SLC14A2: variants seen among roughly 807,000 people sequenced by gnomAD.
SLC14A2 encodes urea transporter 2.
A neutral mutation model predicts 104.6 loss-of-function variants in SLC14A2; 91 were observed. That is an observed-to-expected ratio of 0.87 (90% CI 0.73 to 1.04). SLC14A2 has a LOEUF of 1.04. Among genes scored for constraint, SLC14A2 ranks in the 50% least tolerant of loss-of-function variants. The pLI, the probability that SLC14A2 is intolerant of heterozygous loss-of-function variation, is 0.00. For synonymous variants in SLC14A2, 476 were observed against 466.4 expected (o/e 1.02, Z -0.27); for missense variants, 1,189 against 1,156.0 (o/e 1.03, Z -0.41).
intron 1 of SLC14A2, among the ~76,000 whole-genome samples, chr18:45,421,665 T>C (rs2079704785): frequency 6.6e-6 from 1 of 152,192 alleles, no homozygotes; most frequent in South Asian, 2.1e-4. Context: ...TCTGTGCAAA[T>C]GAATGCACTG....
intron 2 of SLC14A2, among the ~76,000 whole-genome samples, chr18:45,591,409 C>T (rs908698793): frequency 1.3e-5 from 2 of 152,186 alleles, no homozygotes; most frequent in Non-Finnish European, 2.9e-5. Context: ...GATCTCAGCT[C>T]ACTGCAACTT....
At chr18:45,506,421 A>G (rs1180491493) in intron 2 of SLC14A2, among the ~76,000 whole-genome samples, 1 of 152,030 alleles carries the variant, frequency 6.6e-6, no homozygotes, top group Non-Finnish European at 1.5e-5. Flanking sequence ...ATCGTGCCCC[A>G]TCAAAAAAAT....
chr18:45,261,017 TTC>T (rs2084530459), intron 1 of SLC14A2, among the ~76,000 whole-genome samples: 1 of 150,884 alleles, frequency 6.6e-6, no homozygotes, highest in Admixed American at 6.6e-5. Flanking sequence ...TTCTCTTAAT[TTC>T]TTTTTTTTTT....
At chr18:45,417,455 G>A (rs573344721) in intron 1 of SLC14A2, among the ~76,000 whole-genome samples, 38 of 152,266 alleles carry the variant, frequency 2.5e-4, no homozygotes, top group Admixed American at 8.5e-4. Context: ...ACTTACAATC[G>A]TGGCAGAAGA....
intron 2 of SLC14A2, among the ~76,000 whole-genome samples, chr18:45,606,299 G>A (rs1350342876): frequency 1.3e-5 from 2 of 152,110 alleles, no homozygotes; most frequent in Non-Finnish European, 2.9e-5. Flanking sequence ...ATCCATCAAT[G>A]AGAGTTCAGC....
chr18:45,249,122 G>A (rs1427921516), intron 1 of SLC14A2, among the ~76,000 whole-genome samples: 5 of 152,198 alleles, frequency 3.3e-5, no homozygotes, highest in African/African-American at 7.2e-5. Flanking sequence ...GTTCATGTGT[G>A]TAAGCAGCTT....
At chr18:45,193,908 T>A in the SLC14A2 span, among the ~76,000 whole-genome samples, 1 of 152,202 alleles carries the variant, frequency 6.6e-6, no homozygotes, top group Non-Finnish European at 1.5e-5. Context: ...TTTGTGTTTT[T>A]CAATGTATAA....
chr18:45,577,755 A>G (rs1198582206), intron 2 of SLC14A2, among the ~76,000 whole-genome samples: 1 of 152,182 alleles, frequency 6.6e-6, no homozygotes, highest in Non-Finnish European at 1.5e-5. Context: ...ATCATTAGTC[A>G]AAGTTCACAG....
chr18:45,680,626 C>G (rs1295312530), intron 19 of SLC14A2, among the ~76,000 whole-genome samples: 4 of 152,302 alleles, frequency 2.6e-5, no homozygotes, highest in Admixed American at 6.5e-5. Context: ...TTCAACAATG[C>G]TGCCATCTGT....
At chr18:45,445,274 G>A (rs1232801671) in intron 1 of SLC14A2, among the ~76,000 whole-genome samples, 3 of 151,936 alleles carry the variant, frequency 2.0e-5, no homozygotes, top group Non-Finnish European at 2.9e-5. Context: ...ACCATGCCTG[G>A]CTAATTTTTA....
intron 2 of SLC14A2, among the ~76,000 whole-genome samples, chr18:45,501,200 G>A (rs144065533): frequency 3.2e-4 from 49 of 152,284 alleles, no homozygotes; most frequent in Non-Finnish European, 6.6e-4. Context: ...GCCTCCAAAT[G>A]CCAGACTATT....
In SLC14A2 at chr18:45,241,621, T is replaced by G. The variant is rs189425219; in HGVS notation, c.-125+28430T>G. ...CAGCCTTTGCTGACTTATTTGATTT[T>G]CTTTTCTTTTCTTTTCTCTTTTTTT... On this transcript the variant is annotated intron_variant, in intron 1 of 20. Coordinates refer to the SLC14A2 transcript ENST00000586448. Among the ~76,000 whole-genome samples, 411 of 149,998 alleles carry G rather than the reference T, an allele frequency of 2.7e-3. 2 individuals carry two copies. Among genetic ancestry groups the G allele is most frequent in the African/African-American group, 9.6e-3 (387 of 40,438 alleles).
Position 45,682,495 on chromosome 18 carries a change from G to C in SLC14A2, c.2739G>C (p.Lys913Asn), listed in dbSNP as rs764694161. Reference protein sequence around the residue: ...ERNRRASIITKYQAYDVS With the variant: ...ERNRRASIITNYQAYDVS ...ACAGAAGGGCATCAATCATAACAAAGTATCAGGCCTACGATGTCTCCTAAG... is the reference window on the plus strand; with the variant it reads ...ACAGAAGGGCATCAATCATAACAAACTATCAGGCCTACGATGTCTCCTAAG... Residue 913 changes from lysine to asparagine, a missense_variant, in exon 20 of 20, where the codon AAG becomes AAC. By Grantham distance (94) the Lys-to-Asn change is moderately conservative. Coordinates refer to ENST00000255226, the MANE Select transcript of SLC14A2 (RefSeq NM_007163.4). The C allele has an allele frequency of 6.2e-7, 1 of 1,614,122 alleles. No homozygotes were observed. The highest frequency in any genetic ancestry group is 1.1e-5 in the South Asian group (1 of 91,080).
Position 45,644,359 on chromosome 18 carries a change from T to C in SLC14A2, c.1351+199T>C, listed in dbSNP as rs946539862. 12 of 512,388 alleles carry C rather than the reference T, an allele frequency of 2.3e-5. No homozygotes were observed. The South Asian group carries it at 3.8e-4, about 16-fold the overall frequency. The allele number at this position is 512,388 out of a possible 1,614,324, so 31.7% of individuals were successfully genotyped here. A position where few individuals can be genotyped will look rare whatever the true frequency, so the allele number is the denominator to read the frequency against. ...TGCCAGAATCTCCATAACTATCTAT[T>C]GTGCGACATTAAGGGATGTTGGTAT... On this transcript the variant is annotated intron_variant, in intron 10 of 19. Transcript: ENST00000255226.
intron 1 of SLC14A2, among the ~76,000 whole-genome samples, chr18:45,442,997 G>A (rs984888367): frequency 6.6e-6 from 1 of 152,072 alleles, no homozygotes; most frequent in African/African-American, 2.4e-5. Context: ...GTGCACATAT[G>A]TATGGTTTTA....
chr18:45,463,735 A>G (rs559315437), intron 1 of SLC14A2, among the ~76,000 whole-genome samples: 2 of 152,296 alleles, frequency 1.3e-5, no homozygotes, highest in African/African-American at 4.8e-5. Context: ...ACTGAACCCT[A>G]TGGACATGAA....
chr18:45,592,788 A>G (rs4890289), intron 2 of SLC14A2, among the ~76,000 whole-genome samples: 117,511 of 152,216 alleles, frequency 0.77, 45,945 homozygotes, highest in African/African-American at 0.89. Flanking sequence ...CAGCAGAGCC[A>G]AGCCCAAATC....
chr18:45,194,402 G>C, the SLC14A2 span, among the ~76,000 whole-genome samples: 4 of 152,158 alleles, frequency 2.6e-5, no homozygotes, highest in African/African-American at 9.7e-5. Context: ...ATCGGAAATA[G>C]ATGTTAGATT....
At chr18:45,452,965 AGCCTGGCCCAGGGTG>A (rs1398906699) in intron 1 of SLC14A2, among the ~76,000 whole-genome samples, 1 of 152,224 alleles carries the variant, frequency 6.6e-6, no homozygotes, top group Non-Finnish European at 1.5e-5. Context: ...CTTAGACAGC[AGCCTGGCCCAGGGTG>A]ACCATATACT....
Sources: gnomAD v4.1 joint callset for allele counts (sites outside exome capture counted in the v4.1 genomes callset) on GRCh38, gnomAD v4.1.1 for gene constraint, MANE v1.5 for transcripts, NCBI Gene and HGNC (gene_info 2026-07-23, HGNC 2026-07-21) for gene names.